EPHB2: variants seen among roughly 807,000 people sequenced by gnomAD.
The protein encoded by EPHB2 is ephrin type-B receptor 2.
Under a neutral mutation model 96.4 loss-of-function variants are expected in EPHB2, and 18 were observed. That is an observed-to-expected ratio of 0.19 (90% CI 0.13 to 0.28). The LOEUF is 0.28. Ranked by LOEUF, EPHB2 falls within the 10% of genes least tolerant of loss-of-function variation. EPHB2 has a pLI of 1.00. For missense variants in EPHB2, 989 were observed against 1,355.4 expected (o/e 0.73, Z 4.25); for synonymous variants, 506 against 534.1 (o/e 0.95, Z 0.72).
chr1:22,821,859 T>G (rs971417268), intron 3 of EPHB2, among the ~76,000 whole-genome samples: 3 of 152,304 alleles, frequency 2.0e-5, no homozygotes, highest in Admixed American at 2.0e-4. Context: ...CGAGATACTC[T>G]GAAGCTAGGG....
intron 1 of EPHB2, among the ~76,000 whole-genome samples, chr1:22,766,955 G>A (rs996825493): frequency 5.3e-5 from 8 of 152,208 alleles, no homozygotes; most frequent in East Asian, 1.9e-4. Flanking sequence ...TGTGGCCTCC[G>A]GCTCTCATGT....
intron 9 of EPHB2, among the ~76,000 whole-genome samples, chr1:22,899,141 C>T (rs1015839573): frequency 2.0e-5 from 3 of 146,744 alleles, no homozygotes; most frequent in East Asian, 2.0e-4. Context: ...TGTGGTGAGC[C>T]GAGATTGTGC....
chr1:22,870,526 T>C (rs377590572), intron 5 of EPHB2, among the ~76,000 whole-genome samples: 1 of 152,156 alleles, frequency 6.6e-6, no homozygotes, highest in East Asian at 1.9e-4. Flanking sequence ...GGCTGAGCCT[T>C]AGGGTGGGCA....
intron 3 of EPHB2, among the ~76,000 whole-genome samples, chr1:22,861,044 C>T (rs1638228020): frequency 6.6e-6 from 1 of 152,220 alleles, no homozygotes; most frequent in African/African-American, 2.4e-5. Flanking sequence ...GGTCAAATAA[C>T]TTGTCTAAGG....
At chr1:22,865,883 T>C (rs927317249) in intron 5 of EPHB2, among the ~76,000 whole-genome samples, 8 of 152,088 alleles carry the variant, frequency 5.3e-5, no homozygotes, top group Non-Finnish European at 1.0e-4. Flanking sequence ...CTCCTCAAGC[T>C]CACCTTTAGT....
intron 5 of EPHB2, among the ~76,000 whole-genome samples, chr1:22,880,535 CAA>C (rs1639003947): frequency 2.2e-4 from 34 of 152,254 alleles, no homozygotes; most frequent in Middle Eastern, 3.2e-3. Context: ...CCCAGAGAAG[CAA>C]GGAGGCTTGC....
At chr1:22,880,457 G>T (rs978330189) in intron 5 of EPHB2, among the ~76,000 whole-genome samples, 2 of 152,244 alleles carry the variant, frequency 1.3e-5, no homozygotes, top group African/African-American at 2.4e-5. Context: ...AATGAGGAAA[G>T]AATGCAGGAG....
intron 3 of EPHB2, among the ~76,000 whole-genome samples, chr1:22,815,858 C>T (rs2165332): frequency 0.68 from 102,708 of 152,020 alleles, 37,296 homozygotes; most frequent in East Asian, 0.82. Context: ...GTGGAACTGA[C>T]GGCTGTCTAA....
intron 15 of EPHB2, 25 bp downstream of exon 15, chr1:22,912,624 G>A (rs1640145126): frequency 4.3e-6 from 7 of 1,612,176 alleles, no homozygotes; most frequent in African/African-American, 2.7e-5. Context: ...ACTTCTGCTT[G>A]TCACCTTAGC....
At chr1:22,764,468 G>A (rs1024561977) in intron 1 of EPHB2, among the ~76,000 whole-genome samples, 9 of 152,118 alleles carry the variant, frequency 5.9e-5, no homozygotes, top group African/African-American at 1.9e-4. Context: ...TGACTCTGCC[G>A]GGCTTGGTGG....
At position 22,907,989 on chromosome 1, in the gene EPHB2, G is replaced by T. The variant is rs1368101104; in HGVS notation, c.2173G>T (p.Gly725Cys). The change falls in exon 12 of 16, where the codon GGC becomes TGC. Residue 725 changes from glycine (G) to cysteine (C), a missense_variant. By Grantham distance (159) the Gly-to-Cys change is radical. Coordinates refer to ENST00000374630, the MANE Select transcript of EPHB2 (RefSeq NM_017449.5). ...GCAGTTCACAGTCATCCAGCTGGTGGGCATGCTTCGGGGCATCGCAGCTGG... is the reference window on the plus strand; with the variant it reads ...GCAGTTCACAGTCATCCAGCTGGTGTGCATGCTTCGGGGCATCGCAGCTGG... ...DGQFTVIQLVGMLRGIAAGMK... is the reference protein window; with the variant it reads ...DGQFTVIQLVCMLRGIAAGMK... The T allele has an allele frequency of 6.2e-7, 1 of 1,614,244 alleles. No individual in the cohort carries two copies. The highest frequency in any genetic ancestry group is 1.1e-5 in the South Asian group (1 of 91,086).
intron 1 of EPHB2, among the ~76,000 whole-genome samples, chr1:22,748,192 T>C (rs371857489): frequency 6.6e-6 from 1 of 152,230 alleles, no homozygotes; most frequent in Non-Finnish European, 1.5e-5. Flanking sequence ...CGTGAAGCTC[T>C]TAATGCCTGC....
intron 1 of EPHB2, among the ~76,000 whole-genome samples, chr1:22,739,912 T>G (rs1420795453): frequency 6.6e-6 from 1 of 152,166 alleles, no homozygotes; most frequent in Non-Finnish European, 1.5e-5. Context: ...TGCCCGGGGT[T>G]TGCGGTTTTG....
chr1:22,775,151 A>T (rs1251344793), intron 1 of EPHB2: 1 of 778,442 alleles, frequency 1.3e-6, no homozygotes, highest in African/African-American at 1.7e-5. Flanking sequence ...TCTGTTTTTT[A>T]AGGCTATGGC....
intron 1 of EPHB2, among the ~76,000 whole-genome samples, chr1:22,772,255 G>A (rs995359989): frequency 6.6e-6 from 1 of 152,192 alleles, no homozygotes; most frequent in South Asian, 2.1e-4. Flanking sequence ...GCTGGCGGAT[G>A]CCCAGGCCAG....
rs1645769901 is a variant in EPHB2, at chr1:22,860,064, AG to A, written c.812-2970del. On this transcript the variant is annotated intron_variant, in intron 3 of 15. Transcript: ENST00000374630. The surrounding 1 kb of genome is among the most constrained non-coding windows in gnomAD (Gnocchi z 4.6). ...TTCTTTCACTGAGCACGATGTGTCC[AG>A]GGTTCACCTGTACCGTAGCATGTGT... Among the ~76,000 whole-genome samples the A allele has an allele frequency of 6.6e-6, 1 of 152,134 alleles. No individual in the cohort carries two copies. The highest frequency in any genetic ancestry group is 6.5e-5 in the Admixed American group (1 of 15,272).
In EPHB2 at chr1:22,739,766, C is replaced by T. The variant is rs540811980; in HGVS notation, c.61+28723C>T. 6.6e-5 allele frequency among the ~76,000 whole-genome samples: 10 copies of T among 152,216 alleles called. No individual in the cohort carries two copies. In the South Asian group the frequency reaches 1.9e-3, roughly 28 times the overall value. On this transcript the variant is annotated intron_variant, in intron 1 of 15. Transcript: ENST00000374630. The stretch of plus-strand genomic sequence containing the variant: ...GTGAGGAGAAGCTGGTCTGAGCCTG[C>T]GCAGCAGCCCAGAAGCTGGGAGTAG...
At chr1:22,826,250 A>G (rs1234504632) in intron 3 of EPHB2, among the ~76,000 whole-genome samples, 1 of 152,110 alleles carries the variant, frequency 6.6e-6, no homozygotes, top group African/African-American at 2.4e-5. Flanking sequence ...TCTTTAGAAA[A>G]AGGTGGGCGC....
intron 1 of EPHB2, among the ~76,000 whole-genome samples, chr1:22,760,701 C>T (rs1034989133): frequency 6.6e-6 from 1 of 152,158 alleles, no homozygotes; most frequent in Admixed American, 6.5e-5. Context: ...CACCCCAAGG[C>T]CTGTGTGAGT....
Sources: gnomAD v4.1 joint callset for allele counts (sites outside exome capture counted in the v4.1 genomes callset) on GRCh38, gnomAD v4.1.1 for gene constraint, Gnocchi (gnomAD v3.1) non-coding constraint, MANE v1.5 for transcripts, NCBI Gene and HGNC (gene_info 2026-07-23, HGNC 2026-07-21) for gene names.